Variants in KIF24 observed in about 807,000 individuals in gnomAD.
KIF24 encodes kinesin-like protein KIF24.
In KIF24, 81 loss-of-function variants were observed where a neutral mutation model predicts 118.9. That is an observed-to-expected ratio of 0.68 (90% CI 0.57 to 0.82). KIF24 has a LOEUF of 0.82. KIF24 is among the 40% of genes least tolerant of loss of function. The pLI, the probability that KIF24 is intolerant of heterozygous loss-of-function variation, is 0.00. For synonymous variants in KIF24, 599 were observed against 610.0 expected (o/e 0.98, Z 0.27); for missense variants, 1,560 against 1,661.6 (o/e 0.94, Z 1.06).
intron 10 of KIF24, 99 bp downstream of exon 10, chr9:34,259,497 T>C (rs1183338484): frequency 2.4e-6 from 2 of 840,170 alleles, no homozygotes; most frequent in East Asian, 2.5e-5. Flanking sequence ...GTGCATGCAC[T>C]TGCACACACA....
rs1229130533 is a variant in KIF24 at position 34,252,383 on chromosome 9, GTC to G, written c.*1995_*1996del. The G allele has an allele frequency of 3.3e-5, 5 of 152,626 alleles. No individual in the cohort carries two copies. The highest frequency in any genetic ancestry group is 7.3e-5 in the Non-Finnish European group (5 of 68,046). The allele number at this position is 152,626 out of a possible 1,614,324, so 9.5% of individuals were successfully genotyped here. On this transcript the variant is annotated 3_prime_UTR_variant, in exon 13 of 13. Transcript: ENST00000402558. Reference sequence around the variant, plus strand: ...GAATAACACCTAGTCATAGAAATCAGTCTCTCTGGTTTGTTTTGTATTATGTT... The same window carrying G: ...GAATAACACCTAGTCATAGAAATCAGTCTCTGGTTTGTTTTGTATTATGTT...
intron 2 of KIF24, among the ~76,000 whole-genome samples, chr9:34,310,113 C>G (rs1198503545): frequency 6.6e-6 from 1 of 151,968 alleles, no homozygotes; most frequent in Non-Finnish European, 1.5e-5. Flanking sequence ...TTATTGTCAC[C>G]CTGACTCTCA....
At position 34,302,463 on chromosome 9, in the gene KIF24, T is replaced by C. The variant is rs565076361; in HGVS notation, c.813+3789A>G. On this transcript the variant is annotated intron_variant, in intron 3 of 12. Transcript: ENST00000402558. Reference sequence around the variant, plus strand: ...AAACTACAGGTACATGTCACCACGCTTGGCAATTTTTTTTTTTTTTGAGAC... The same window carrying C: ...AAACTACAGGTACATGTCACCACGCCTGGCAATTTTTTTTTTTTTTGAGAC... 2.3e-3 allele frequency among the ~76,000 whole-genome samples: 300 copies of C among 128,368 alleles called. 1 individual carries two copies. Among genetic ancestry groups the C allele is most frequent in the Non-Finnish European group, 4.4e-3 (241 of 55,328 alleles). 84.2% of individuals were successfully genotyped at this position (128,368 alleles called of 152,430 possible). A position where few individuals can be genotyped will look rare whatever the true frequency, so the allele number is the denominator to read the frequency against.
chr9:34,269,406 T>C, intron 7 of KIF24, 44 bp from the exon 8 acceptor site: 1 of 847,142 alleles, frequency 1.2e-6, no homozygotes, highest in Non-Finnish European at 1.8e-6. Context: ...GAAGCTTTAT[T>C]TTATTTTATT....
At chr9:34,281,044 G>A (rs191161213) in intron 6 of KIF24, among the ~76,000 whole-genome samples, 1 of 152,112 alleles carries the variant, frequency 6.6e-6, no homozygotes, top group Admixed American at 6.5e-5. Flanking sequence ...TTTCTTTTTT[G>A]AGATGGAGTC....
intron 1 of KIF24, chr9:34,319,804 C>A: frequency 3.9e-6 from 2 of 516,678 alleles, no homozygotes; most frequent in Non-Finnish European, 7.3e-6. Context: ...TGTGCTTGAA[C>A]GGCCCTTCCC....
intron 9 of KIF24, among the ~76,000 whole-genome samples, chr9:34,260,673 A>T (rs942946654): frequency 3.3e-5 from 5 of 152,202 alleles, no homozygotes; most frequent in Admixed American, 6.5e-5. Flanking sequence ...AACTTGTCTT[A>T]AAAAATAACA....
rs1463567689 is a variant in KIF24, at chr9:34,254,458, C to T, written c.4029G>A (p.Gln1343=). ...EIMVLKSKCI[Q]SLRSQLQLYL... is the part of the protein sequence containing the mutation. ...AGAGCTGCAGCTGGCTCCTCAGACT[C>T]TGGATACACTTGGATTTCAGAACCA... Residue 1343 remains glutamine (Q), a synonymous_variant, in exon 13 of 13, where the codon CAG becomes CAA. Transcript: ENST00000402558. 6.2e-7 allele frequency: 1 copy of T among 1,613,946 alleles called. No homozygotes were observed. Among genetic ancestry groups the T allele is most frequent in the African/African-American group, 1.3e-5 (1 of 75,058 alleles).
intron 6 of KIF24, among the ~76,000 whole-genome samples, chr9:34,283,884 T>C (rs767778583): frequency 6.6e-6 from 1 of 152,094 alleles, no homozygotes; most frequent in Non-Finnish European, 1.5e-5. Flanking sequence ...AAAATATCTA[T>C]CAATTGAAAG....
chr9:34,265,160 T>A (rs1347757969), intron 8 of KIF24, among the ~76,000 whole-genome samples: 1 of 152,154 alleles, frequency 6.6e-6, no homozygotes, highest in Non-Finnish European at 1.5e-5. Flanking sequence ...ACCACATAAT[T>A]TTTTTTGCTT....
chr9:34,300,236 A>C (rs1836646273), intron 3 of KIF24, among the ~76,000 whole-genome samples: 1 of 108,182 alleles, frequency 9.2e-6, no homozygotes, highest in Non-Finnish European at 2.5e-5. Flanking sequence ...GCTTTGAAAA[A>C]TGTGGTAAGA....
chr9:34,293,047 G>A (rs758485138), intron 4 of KIF24, among the ~76,000 whole-genome samples: 16 of 152,038 alleles, frequency 1.1e-4, no homozygotes, highest in Admixed American at 2.0e-4. Context: ...CCCTAGATTT[G>A]GTGCCCTTAC....
chr9:34,318,333 C>A lies in KIF24; in HGVS notation c.-25-6962G>T. ...CTCCCGTCTTGGAGCCAGCCCAGCC[C>A]AACCCAGCCCAACCCAGCTTGACCT... On this transcript the variant is annotated intron_variant, in intron 1 of 12. Transcript: ENST00000402558. This position sits in a 1 kb window ranked among gnomAD's most constrained non-coding sequence, Gnocchi z 4.9. The A allele has an allele frequency of 1.7e-6, 1 of 583,474 alleles. No individual in the cohort carries two copies. Among genetic ancestry groups the A allele is most frequent in the Admixed American group, 2.5e-5 (1 of 39,342 alleles). 36.1% of individuals were successfully genotyped at this position (583,474 alleles called of 1,614,324 possible).
At chr9:34,331,288 G>A (rs928790574), upstream of KIF24, among the ~76,000 whole-genome samples, 2 of 152,068 alleles carry the variant, frequency 1.3e-5, no homozygotes, top group African/African-American at 4.8e-5. Flanking sequence ...TATGACACAC[G>A]GGTAACAGTA....
Position 34,257,423 on chromosome 9 carries a change from G to C in KIF24, c.2184C>G (p.His728Gln). The C allele has an allele frequency of 6.2e-7, 1 of 1,614,064 alleles. No individual in the cohort carries two copies. Among genetic ancestry groups the C allele is most frequent in the Non-Finnish European group, 8.5e-7 (1 of 1,179,898 alleles). ...SRVELSFGNA[H>Q]HRAEYSQDSQ... is the part of the protein sequence containing the mutation. ...TGTCTTGACTGTACTCAGCCCTGTG[G>C]TGGGCGTTGCCAAAGGAGAGCTCAA... The change falls in exon 11 of 13, where the codon CAC becomes CAG. Residue 728 changes from histidine to glutamine, a missense_variant. By Grantham distance (24) the His-to-Gln change is conservative. This residue lies in a region of KIF24 where 964 missense variants were observed against 988.0 expected (regional missense o/e 0.98). Coordinates refer to ENST00000402558, the MANE Select transcript of KIF24 (RefSeq NM_194313.4).
rs41274043 is a variant in KIF24, at chr9:34,257,655, G to A, written c.1952C>T (p.Thr651Ile). Residue 651 changes from threonine to isoleucine, a missense_variant, in exon 11 of 13, where the codon ACT becomes ATT. By Grantham distance (89) the Thr-to-Ile change is moderately conservative (BLOSUM62 -1). Around this residue, in one of 3 missense-constraint regions of KIF24, gnomAD observed 964 missense variants for 988.0 expected, o/e 0.98. Transcript: ENST00000402558. ...WVIHASPVKG[T>I]VRSGHVAKKK... ...TTTGGCCACATGTCCAGAGCGCACA[G>A]TTCCTTTCACAGGGCTAGCATGAAT... is the stretch of plus-strand genomic sequence containing the variant. 2.4e-4 allele frequency: 388 copies of A among 1,614,052 alleles called. No homozygotes were observed. The highest frequency in any genetic ancestry group is 3.1e-4 in the Non-Finnish European group (361 of 1,179,898).
At chr9:34,258,040 T>C (rs911839568) in intron 10 of KIF24, 59 bp from the exon 11 acceptor site, 2 of 1,304,518 alleles carry the variant, frequency 1.5e-6, no homozygotes, top group African/African-American at 1.5e-5. Context: ...ATTCCTTTTC[T>C]ATAGCTTTCT....
intron 9 of KIF24, 122 bp from the exon 10 acceptor site, chr9:34,259,827 T>A: frequency 1.6e-6 from 1 of 625,816 alleles, no homozygotes; most frequent in East Asian, 2.8e-5. Flanking sequence ...TAATTAACAT[T>A]AACAAAAGAA....
At position 34,259,563 on chromosome 9, in the gene KIF24, T is replaced by TAA. The variant is rs764440742; in HGVS notation, c.1625+32_1625+33insTT. ...CTGCACAGACATGCACATGCACACT[T>TAA]ACACACAACCTGCCATCTGGGAGCT... On this transcript the variant is annotated intron_variant, in intron 10 of 12. Transcript: ENST00000402558. 7 of 1,527,644 alleles carry TAA rather than the reference T, an allele frequency of 4.6e-6. No individual in the cohort carries two copies. The East Asian group carries it at 1.4e-4, about 29-fold the overall frequency. The allele number at this position is 1,527,644 out of a possible 1,614,324, so 94.6% of individuals were successfully genotyped here. A position where few individuals can be genotyped will look rare whatever the true frequency, so the allele number is the denominator to read the frequency against.
Sources: allele counts gnomAD v4.1 joint callset (sites outside exome capture counted in the v4.1 genomes callset), GRCh38; gene constraint gnomAD v4.1.1; regional missense constraint gnomAD v4.1.1; non-coding constraint Gnocchi (gnomAD v3.1); transcripts MANE v1.5; gene names NCBI Gene and HGNC (gene_info 2026-07-23, HGNC 2026-07-21).